The following PTPRD variants were observed in gnomAD, a reference collection of about 807,000 sequenced individuals.
PTPRD encodes protein tyrosine phosphatase receptor type D, also known as receptor-type tyrosine-protein phosphatase delta.
A neutral mutation model predicts 214.5 loss-of-function variants in PTPRD; 34 were observed. The ratio of observed to expected loss-of-function variants is 0.16; its 90% CI spans 0.12 to 0.21. The LOEUF (loss-of-function observed/expected upper bound fraction) is 0.21, where lower values mean the gene tolerates loss of function less well. Ranked by LOEUF, PTPRD falls within the 10% of genes least tolerant of loss-of-function variation. The probability of loss-of-function intolerance (pLI) is 1.00; values close to 1 mark genes in which losing one functional copy is unlikely to be tolerated. For synonymous variants in PTPRD, 1,128 were observed against 845.7 expected (o/e 1.33, Z -5.79); for missense variants, 2,545 against 2,398.7 (o/e 1.06, Z -1.27).
At chr9:10,362,841 C>T (rs2097423188) in intron 2 of PTPRD, among the ~76,000 whole-genome samples, 2 of 152,138 alleles carry the variant, frequency 1.3e-5, no homozygotes, top group Admixed American at 1.3e-4. Context: ...CATCGTGCCA[C>T]TGCACTCCAG....
intron 3 of PTPRD, among the ~76,000 whole-genome samples, chr9:10,250,674 T>C (rs1220452935): frequency 3.3e-5 from 5 of 152,036 alleles, no homozygotes. Context: ...TAGATAATTT[T>C]TTATCACTTC....
chr9:9,026,134 TAG>T (rs35941011), intron 10 of PTPRD, among the ~76,000 whole-genome samples: 121,451 of 151,416 alleles, frequency 0.8, 49,240 homozygotes, highest in Non-Finnish European at 0.86. Context: ...GAAGGCCTTA[TAG>T]AGATGGCTGA....
intron 5 of PTPRD, among the ~76,000 whole-genome samples, chr9:9,897,460 A>G (rs983473809): frequency 1.3e-5 from 2 of 152,056 alleles, no homozygotes; most frequent in Admixed American, 1.3e-4. Flanking sequence ...TCTTTAGGAA[A>G]CCAAAAAAAG....
chr9:9,326,500 C>G (rs1395364157), intron 9 of PTPRD, among the ~76,000 whole-genome samples: 3 of 151,694 alleles, frequency 2.0e-5, no homozygotes, highest in African/African-American at 7.3e-5. Flanking sequence ...GATTGCAAAG[C>G]TAGTAAGTGA....
chr9:9,535,677 T>C (rs568963396), intron 8 of PTPRD, among the ~76,000 whole-genome samples: 64 of 152,212 alleles, frequency 4.2e-4, no homozygotes, highest in African/African-American at 1.4e-3. Flanking sequence ...TAGAGTTTAA[T>C]GTGGAGAAAC....
chr9:8,909,980 C>T (rs1190044659), intron 11 of PTPRD, among the ~76,000 whole-genome samples: 2 of 151,590 alleles, frequency 1.3e-5, no homozygotes, highest in Admixed American at 6.6e-5. Flanking sequence ...AAATTTTATG[C>T]TATAGTTTAA....
intron 7 of PTPRD, among the ~76,000 whole-genome samples, chr9:9,675,102 T>C (rs1340593062): frequency 1.3e-5 from 2 of 152,064 alleles, no homozygotes; most frequent in Admixed American, 6.5e-5. Flanking sequence ...TAAGAGATTT[T>C]TGACAAACAC....
intron 4 of PTPRD, among the ~76,000 whole-genome samples, chr9:9,943,276 G>A (rs1030967103): frequency 3.3e-5 from 5 of 152,146 alleles, no homozygotes; most frequent in Non-Finnish European, 5.9e-5. Flanking sequence ...TCAGAGGGCT[G>A]CAGTGGAGGT....
chr9:9,193,720 T>C (rs1427476631), intron 9 of PTPRD, among the ~76,000 whole-genome samples: 2 of 152,088 alleles, frequency 1.3e-5, no homozygotes, highest in African/African-American at 4.8e-5. Context: ...GTAGGGCACT[T>C]ACCATGAATG....
intron 2 of PTPRD, among the ~76,000 whole-genome samples, chr9:10,511,185 G>A (rs898525885): frequency 6.6e-6 from 1 of 152,140 alleles, no homozygotes; most frequent in Admixed American, 6.5e-5. Flanking sequence ...AAGTATGTGT[G>A]AGTTATTTAC....
chr9:9,909,925 T>C (rs531374732), intron 5 of PTPRD, among the ~76,000 whole-genome samples: 1 of 152,086 alleles, frequency 6.6e-6, no homozygotes, highest in African/African-American at 2.4e-5. Flanking sequence ...TTGTAATACC[T>C]ATAGATAGTA....
intron 8 of PTPRD, among the ~76,000 whole-genome samples, chr9:9,524,498 A>G (rs963427317): frequency 2.0e-5 from 3 of 152,208 alleles, no homozygotes; most frequent in Admixed American, 1.3e-4. Context: ...TTTAAACTGT[A>G]GAAAAGTCCC....
chr9:9,856,524 A>G (rs2061584636), intron 5 of PTPRD, among the ~76,000 whole-genome samples: 1 of 152,122 alleles, frequency 6.6e-6, no homozygotes, highest in South Asian at 2.1e-4. Context: ...ATTAACAAGA[A>G]TGGCAAGAGG....
chr9:9,953,714 G>A (rs2093654953), intron 4 of PTPRD, among the ~76,000 whole-genome samples: 1 of 152,094 alleles, frequency 6.6e-6, no homozygotes, highest in South Asian at 2.1e-4. Flanking sequence ...TGTAACCACT[G>A]CTGAAGCAAC....
intron 8 of PTPRD, among the ~76,000 whole-genome samples, chr9:9,462,179 G>C (rs1231081869): frequency 6.6e-6 from 1 of 151,984 alleles, no homozygotes; most frequent in African/African-American, 2.4e-5. Context: ...TTCAATATCG[G>C]GAATCTAAAG....
chr9:10,458,629 G>C (rs2098935576), intron 2 of PTPRD, among the ~76,000 whole-genome samples: 1 of 152,112 alleles, frequency 6.6e-6, no homozygotes, highest in African/African-American at 2.4e-5. Flanking sequence ...TTAACATCTG[G>C]TACGAAGCAA....
At chr9:10,528,149 CT>C (rs2054908045) in intron 2 of PTPRD, among the ~76,000 whole-genome samples, 2 of 152,098 alleles carry the variant, frequency 1.3e-5, no homozygotes, top group Non-Finnish European at 2.9e-5. Flanking sequence ...GAATCCTGCT[CT>C]AAATTCCTCC....
intron 10 of PTPRD, among the ~76,000 whole-genome samples, chr9:9,157,735 T>G (rs943156517): frequency 1.3e-5 from 2 of 152,176 alleles, no homozygotes; most frequent in African/African-American, 4.8e-5. Flanking sequence ...TTATTTAAAG[T>G]TCTGGTGTAC....
At chr9:9,449,658 G>C (rs530754706) in intron 8 of PTPRD, among the ~76,000 whole-genome samples, 16 of 152,070 alleles carry the variant, frequency 1.1e-4, no homozygotes, top group African/African-American at 3.9e-4. Context: ...CATTCACATT[G>C]TCTAGAAACT....
Sources: allele counts gnomAD v4.1 joint callset (sites outside exome capture counted in the v4.1 genomes callset), GRCh38; gene constraint gnomAD v4.1.1; transcripts MANE v1.5; gene names NCBI Gene and HGNC (gene_info 2026-07-23, HGNC 2026-07-21).